PRKCB: variants seen among roughly 807,000 people sequenced by gnomAD.
PRKCB encodes the protein protein kinase C beta.
A neutral mutation model predicts 81.5 loss-of-function variants in PRKCB; 13 were observed. The observed-to-expected ratio is 0.16, with a 90% confidence interval of 0.10 to 0.25. The LOEUF (loss-of-function observed/expected upper bound fraction) is 0.25, where lower values mean the gene tolerates loss of function less well. Among genes scored for constraint, PRKCB ranks in the 10% least tolerant of loss-of-function variants. PRKCB has a pLI of 1.00. For synonymous variants in PRKCB, 335 were observed against 321.4 expected (o/e 1.04, Z -0.45); for missense variants, 509 against 875.7 (o/e 0.58, Z 5.29).
intron 5 of PRKCB, among the ~76,000 whole-genome samples, chr16:24,074,939 T>C (rs1215451950): frequency 2.6e-5 from 4 of 152,028 alleles, no homozygotes; most frequent in Non-Finnish European, 5.9e-5. Context: ...CTGAGCAACA[T>C]AGCAAAAACT....
intron 16 of PRKCB, among the ~76,000 whole-genome samples, chr16:24,206,877 A>G (rs1968055020): frequency 6.6e-6 from 1 of 152,184 alleles, no homozygotes; most frequent in Non-Finnish European, 1.5e-5. Flanking sequence ...AGCCTTCCTT[A>G]TTATCCCTTA....
chr16:24,212,301 T>A (rs1968150422), intron 16 of PRKCB, among the ~76,000 whole-genome samples: 1 of 151,232 alleles, frequency 6.6e-6, no homozygotes, highest in Non-Finnish European at 1.5e-5. Context: ...ATGAAAAAGG[T>A]CATATATTCA....
At chr16:24,172,597 G>C (rs1045561193) in intron 11 of PRKCB, among the ~76,000 whole-genome samples, 1 of 152,106 alleles carries the variant, frequency 6.6e-6, no homozygotes, top group African/African-American at 2.4e-5. Flanking sequence ...TGTAATCTCA[G>C]TGTTTTGGGA....
At chr16:23,891,706 C>T (rs939951602) in intron 2 of PRKCB, among the ~76,000 whole-genome samples, 2 of 152,184 alleles carry the variant, frequency 1.3e-5, no homozygotes, top group African/African-American at 4.8e-5. Flanking sequence ...GGTATCATAT[C>T]AGCTCTACAT....
At chr16:24,192,803 C>T (rs1402726985) in intron 16 of PRKCB, among the ~76,000 whole-genome samples, 1 of 152,150 alleles carries the variant, frequency 6.6e-6, no homozygotes, top group Non-Finnish European at 1.5e-5. Flanking sequence ...GAATCAGACA[C>T]TCTAGGTGTG....
chr16:24,081,947 A>C (rs1596540369), intron 5 of PRKCB, among the ~76,000 whole-genome samples: 1 of 152,314 alleles, frequency 6.6e-6, no homozygotes, highest in East Asian at 1.9e-4. Flanking sequence ...TTCTATACAC[A>C]GAAAACAGTA....
intron 2 of PRKCB, among the ~76,000 whole-genome samples, chr16:23,911,149 T>TTTTTTTTTTTTTTTTTTTTTTTC (rs1963647622): frequency 7.4e-6 from 1 of 135,376 alleles, no homozygotes. Context: ...TTTTTTTTTT[T>TTTTTTTTTTTTTTTTTTTTTTTC]TTTTGAGACA....
At chr16:23,885,987 A>G (rs1457522860) in intron 2 of PRKCB, among the ~76,000 whole-genome samples, 2 of 152,198 alleles carry the variant, frequency 1.3e-5, no homozygotes, top group Non-Finnish European at 2.9e-5. Context: ...ATTGATTGCC[A>G]TGTGCTGGAA....
At position 24,218,318 on chromosome 16, in the gene PRKCB, T is replaced by A; in HGVS notation, c.*3502T>A. ...CGAGCTTTGTTGTGAACACCGGAAG[T>A]AACATGCCGAGCGCCTGGGGGATGG... On this transcript the variant is annotated 3_prime_UTR_variant, in exon 17 of 17. Coordinates refer to ENST00000643927, the MANE Select transcript of PRKCB (RefSeq NM_002738.7). The A allele has an allele frequency of 2.0e-6, 2 of 985,148 alleles. No homozygotes were observed. 61.0% of individuals were successfully genotyped at this position (985,148 alleles called of 1,614,324 possible).
chr16:24,173,802 A>G (rs1967484804), intron 11 of PRKCB, among the ~76,000 whole-genome samples: 1 of 152,130 alleles, frequency 6.6e-6, no homozygotes, highest in African/African-American at 2.4e-5. Context: ...TTCACTATAT[A>G]ACTTGCCCAA....
At chr16:24,125,074 TCG>T (rs1966840544) in intron 9 of PRKCB, among the ~76,000 whole-genome samples, 5 of 67,414 alleles carry the variant, frequency 7.4e-5, no homozygotes, top group East Asian at 6.2e-4. Context: ...CTATAATTAA[TCG>T]TTACCTATAA....
At chr16:23,862,408 G>A (rs1348094917) in intron 2 of PRKCB, among the ~76,000 whole-genome samples, 6 of 152,250 alleles carry the variant, frequency 3.9e-5, no homozygotes, top group African/African-American at 1.2e-4. Context: ...TCCAGAAGCC[G>A]TGAGTGACCT....
intron 2 of PRKCB, among the ~76,000 whole-genome samples, chr16:23,858,503 G>A (rs1475413207): frequency 6.6e-6 from 1 of 151,752 alleles, no homozygotes; most frequent in Non-Finnish European, 1.5e-5. Context: ...TTGACAGGAA[G>A]GGGAAATTCT....
chr16:24,030,433 G>A (rs542993748), intron 3 of PRKCB, among the ~76,000 whole-genome samples: 2 of 152,264 alleles, frequency 1.3e-5, no homozygotes, highest in African/African-American at 4.8e-5. Context: ...TGGCCAAATA[G>A]TAATAGCAAT....
Position 24,219,936 on chromosome 16 carries a change from A to AATG in PRKCB, c.*5121_*5123dup. On this transcript the variant is annotated 3_prime_UTR_variant, in exon 17 of 17. Transcript: ENST00000643927. ...TGTGTCTTTCTTCTTACGCTGTGTT[A>AATG]ATGTGTTTACTTTCCATTTGGCAGA... 6.2e-7 allele frequency: 1 copy of AATG among 1,613,010 alleles called. No individual in the cohort carries two copies. Among genetic ancestry groups the AATG allele is most frequent in the Non-Finnish European group, 8.5e-7 (1 of 1,179,536 alleles).
chr16:23,944,067 A>G (rs965474787), intron 2 of PRKCB, among the ~76,000 whole-genome samples: 1 of 152,166 alleles, frequency 6.6e-6, no homozygotes, highest in African/African-American at 2.4e-5. Context: ...ATTTTAGGAG[A>G]GAAATTCAGA....
In PRKCB at chr16:24,113,030, A is replaced by G; in HGVS notation, c.879A>G (p.Glu293=). 8 of 1,613,452 alleles carry G rather than the reference A, an allele frequency of 5.0e-6. No homozygotes were observed. The highest frequency in any genetic ancestry group is 6.8e-6 in the Non-Finnish European group (8 of 1,179,612). ...ACTTCAATGTGCCTGTGCCACCAGA[A>G]GGAAGTGAGGCCAATGAAGAACTGC... ...GEYFNVPVPP[E]GSEANEELRQ... Residue 293 remains glutamate, a synonymous_variant, in exon 8 of 17, where the codon GAA becomes GAG. Transcript: ENST00000643927.
At chr16:23,967,685 T>C (rs1470614923) in intron 2 of PRKCB, among the ~76,000 whole-genome samples, 2 of 152,084 alleles carry the variant, frequency 1.3e-5, no homozygotes, top group Admixed American at 1.3e-4. Context: ...TAGAGTCTCA[T>C]TCTGTCACAT....
intron 2 of PRKCB, among the ~76,000 whole-genome samples, chr16:23,916,426 TA>T (rs1352793460): frequency 6.6e-6 from 1 of 152,098 alleles, no homozygotes; most frequent in Non-Finnish European, 1.5e-5. Context: ...GTCTCATTTG[TA>T]GAAAGGTTAA....
Sources: gnomAD v4.1 joint callset for allele counts (sites outside exome capture counted in the v4.1 genomes callset) on GRCh38, gnomAD v4.1.1 for gene constraint, MANE v1.5 for transcripts, NCBI Gene and HGNC (gene_info 2026-07-23, HGNC 2026-07-21) for gene names.